The following LCMT2 variants were observed in gnomAD, a reference collection of about 807,000 sequenced individuals.
The protein encoded by LCMT2 is tRNA wybutosine-synthesizing protein 4.
In LCMT2, 34 loss-of-function variants were observed where a neutral mutation model predicts 42.0. That is an observed-to-expected ratio of 0.81 (90% CI 0.62 to 1.08). The LOEUF (loss-of-function observed/expected upper bound fraction) is 1.08. LCMT2 is among the 50% of genes least tolerant of loss of function. The pLI, the probability that LCMT2 is intolerant of heterozygous loss-of-function variation, is 0.00. For missense variants in LCMT2, 1,091 were observed against 889.4 expected, an observed-to-expected ratio of 1.23 and a Z score of -2.88; for synonymous variants, 445 against 369.5, an observed-to-expected ratio of 1.20 and a Z score of -2.34.
chr15:43,328,318 G>GA lies in LCMT2; in HGVS notation c.*110dup. On this transcript the variant is annotated 3_prime_UTR_variant, in exon 1 of 1. Transcript: ENST00000305641. ...CTTTTTGCACTGAATAGTGCTAAGG[G>GA]AAAAAAAGGATGGGGAAAGGAGGAG... is the stretch of plus-strand genomic sequence containing the variant. 1 of 1,225,038 alleles carries GA rather than the reference G, an allele frequency of 8.2e-7. No individual in the cohort carries two copies. Among genetic ancestry groups the GA allele is most frequent in the Non-Finnish European group, 1.1e-6 (1 of 873,732 alleles). 75.9% of individuals were successfully genotyped at this position (1,225,038 alleles called of 1,614,324 possible).
chr15:43,328,285 C>A lies in LCMT2; in HGVS notation c.*144G>T, dbSNP rs1596472154. 1 of 880,998 alleles carries A rather than the reference C, an allele frequency of 1.1e-6. No homozygotes were observed. The highest frequency in any genetic ancestry group is 2.5e-5 in the East Asian group (1 of 39,266). 54.6% of individuals were successfully genotyped at this position (880,998 alleles called of 1,614,324 possible). A position where few individuals can be genotyped will look rare whatever the true frequency, so the allele number is the denominator to read the frequency against. The stretch of plus-strand genomic sequence containing the variant: ...TAGGTATTTTACCTATTTTACCAAC[C>A]TTTTTCACTTTTTGCACTGAATAGT... On this transcript the variant is annotated 3_prime_UTR_variant, in exon 1 of 1. Coordinates refer to ENST00000305641, the MANE Select transcript of LCMT2 (RefSeq NM_014793.5).
chr15:43,329,969 GCGCCCAGGGCCTC>G lies in LCMT2; in HGVS notation c.508_520del (p.Glu170ProfsTer18). On this transcript the variant is annotated frameshift_variant, in exon 1 of 1. Coordinates refer to ENST00000305641, the MANE Select transcript of LCMT2 (RefSeq NM_014793.5). LOFTEE classifies it high-confidence loss of function. ...GGGTGAGGCTGCGTCGAGCCCCGCGGCGCCCAGGGCCTCCTCCACTCGCTGGAGCTGCCGCAAG... is the reference window on the plus strand; with the variant it reads ...GGGTGAGGCTGCGTCGAGCCCCGCGGCTCCACTCGCTGGAGCTGCCGCAAG... 1 of 1,612,450 alleles carries G rather than the reference GCGCCCAGGGCCTC, an allele frequency of 6.2e-7. No homozygotes were observed. The highest frequency in any genetic ancestry group is 8.5e-7 in the Non-Finnish European group (1 of 1,179,816).
At position 43,328,727 on chromosome 15, in the gene LCMT2, G is replaced by A. The variant is rs1309052895; in HGVS notation, c.1763C>T (p.Ser588Phe). Reference protein sequence around the residue: ...DIQPPITPRYSHTAHVLNGKL... With the variant: ...DIQPPITPRYFHTAHVLNGKL... ...TCCATTGAGCACATGAGCTGTGTGG[G>A]AGTACCTTGGGGTAATGGGAGGCTG... Residue 588 changes from serine (S) to phenylalanine (F), a missense_variant, in exon 1 of 1, where the codon TCC becomes TTC. Physicochemically the swap from Ser to Phe is radical, Grantham distance 155. Transcript: ENST00000305641. 1.2e-6 allele frequency: 2 copies of A among 1,613,950 alleles called. No homozygotes were observed. Among genetic ancestry groups the A allele is most frequent in the African/African-American group, 1.3e-5 (1 of 74,922 alleles).
In LCMT2 at chr15:43,328,856, C is replaced by T. The variant is rs2043137145; in HGVS notation, c.1634G>A (p.Gly545Glu). ...HSHSACTWQG[G>E]ALIAGGLGAS... The stretch of plus-strand genomic sequence containing the variant: ...CCCGAGACCTCCAGCAATAAGGGCT[C>T]CCCCTTGCCAAGTGCAGGCACTGTG... Residue 545 changes from glycine to glutamate, a missense_variant, in exon 1 of 1, where the codon GGA becomes GAA. Gly to Glu is a moderately conservative substitution (Grantham distance 98). Coordinates refer to ENST00000305641, the MANE Select transcript of LCMT2 (RefSeq NM_014793.5). 1.2e-6 allele frequency: 2 copies of T among 1,613,766 alleles called. No homozygotes were observed. Among genetic ancestry groups the T allele is most frequent in the Non-Finnish European group, 1.7e-6 (2 of 1,180,010 alleles).
In LCMT2 at chr15:43,330,062, TCC is replaced by T. The variant is rs1277104000; in HGVS notation, c.426_427del (p.Glu143AlafsTer8). The T allele has an allele frequency of 5.0e-6, 8 of 1,611,530 alleles. No homozygotes were observed. Among genetic ancestry groups the T allele is most frequent in the African/African-American group, 1.3e-5 (1 of 74,734 alleles). On this transcript the variant is annotated frameshift_variant, in exon 1 of 1. Transcript: ENST00000305641. LOFTEE classifies it high-confidence loss of function. The stretch of plus-strand genomic sequence containing the variant: ...CTCAAAGCACAGCGCGGACGCGGGC[TCC>T]CCCCTCTCGAAAGGCCCGGTTAACG...
chr15:43,328,163 CAATA>C lies in LCMT2; in HGVS notation c.*262_*265del. The C allele has an allele frequency of 2.5e-6, 1 of 408,074 alleles. No homozygotes were observed. 25.3% of individuals were successfully genotyped at this position (408,074 alleles called of 1,614,324 possible). A position where few individuals can be genotyped will look rare whatever the true frequency, so the allele number is the denominator to read the frequency against. ...TACTTTACTAAAGACCACTGTAACT[CAATA>C]AACGAACTTAGATTAGAAAATTAGA... On this transcript the variant is annotated 3_prime_UTR_variant, in exon 1 of 1. Transcript: ENST00000305641.
Position 43,329,436 on chromosome 15 carries a change from C to A in LCMT2, c.1054G>T (p.Val352Phe), listed in dbSNP as rs113163259. The change falls in exon 1 of 1, where the codon GTC (valine) becomes TTC (phenylalanine). Residue 352 changes from valine to phenylalanine, a missense_variant. Physicochemically the swap from Val to Phe is conservative, Grantham distance 50. Transcript: ENST00000305641. The stretch of plus-strand genomic sequence containing the variant: ...TGGCCATATCTCTTCAGGTTTGGGA[C>A]CTGGCCCTCGCTACTGACTACGCTG... ...PASVVSSEGQ[V>F]PNLKRYGHAS... The A allele has an allele frequency of 6.2e-7, 1 of 1,614,150 alleles. No homozygotes were observed. Among genetic ancestry groups the A allele is most frequent in the African/African-American group, 1.3e-5 (1 of 75,060 alleles).
chr15:43,329,947 T>TG lies in LCMT2; in HGVS notation c.542dup (p.Pro182ThrfsTer31). The TG allele has an allele frequency of 4.3e-6, 7 of 1,612,478 alleles. No individual in the cohort carries two copies. Among genetic ancestry groups the TG allele is most frequent in the Non-Finnish European group, 5.1e-6 (6 of 1,179,780 alleles). ...CCGCCTCGGCCAGGAGCAGAGTGGG[T>TG]GAGGCTGCGTCGAGCCCCGCGGCGC... On this transcript the variant is annotated frameshift_variant, in exon 1 of 1. Coordinates refer to ENST00000305641, the MANE Select transcript of LCMT2 (RefSeq NM_014793.5). LOFTEE classifies it high-confidence loss of function.
Position 43,327,755 on chromosome 15 carries a change from T to C in LCMT2, c.*674A>G, listed in dbSNP as rs2043125442. On this transcript the variant is annotated 3_prime_UTR_variant, in exon 1 of 1. Transcript: ENST00000305641. The stretch of plus-strand genomic sequence containing the variant: ...AGAGTATATCTGGAACAAAACATTA[T>C]TATACCCCGTGCAAAATGAATTGAG... 1 of 152,740 alleles carries C rather than the reference T, an allele frequency of 6.5e-6. No homozygotes were observed. The highest frequency in any genetic ancestry group is 2.4e-5 in the African/African-American group (1 of 41,450). 9.5% of individuals were successfully genotyped at this position (152,740 alleles called of 1,614,324 possible).
rs1426163094 is a variant in LCMT2 at position 43,329,489 on chromosome 15, G to C, written c.1001C>G (p.Pro334Arg). ...PSSEAFPRVN[P>R]ASPSGVFPAS... ...AGGGAATACCCCTGAAGGCGAAGCAGGATTTACGCGAGGAAATGCCTCTGA... is the reference window on the plus strand; with the variant it reads ...AGGGAATACCCCTGAAGGCGAAGCACGATTTACGCGAGGAAATGCCTCTGA... The change falls in exon 1 of 1, where the codon CCT (proline) becomes CGT (arginine). Residue 334 changes from proline to arginine, a missense_variant. Physicochemically the swap from Pro to Arg is moderately radical, Grantham distance 103. Transcript: ENST00000305641. 8.1e-6 allele frequency: 13 copies of C among 1,614,204 alleles called. No homozygotes were observed. The highest frequency in any genetic ancestry group is 1.3e-5 in the African/African-American group (1 of 75,068).
In LCMT2 at chr15:43,329,305, A is replaced by G. The variant is rs2043146437; in HGVS notation, c.1185T>C (p.Asp395=). 1.9e-6 allele frequency: 3 copies of G among 1,613,884 alleles called. No homozygotes were observed. Among genetic ancestry groups the G allele is most frequent in the African/African-American group, 2.7e-5 (2 of 74,898 alleles). ...GGCTGCCTTTCCATTCAGAGTCACA[A>G]TCTCTTGAGAGCAAGTGAAACTGGC... ...RVSQFHLLSR[D]CDSEWKGSQI... The change falls in exon 1 of 1, where the codon GAT becomes GAC. Residue 395 remains aspartate, a synonymous_variant. Coordinates refer to ENST00000305641, the MANE Select transcript of LCMT2 (RefSeq NM_014793.5).
chr15:43,325,397 A>G lies in LCMT2; in HGVS notation c.*3032T>C, dbSNP rs1024787287. The G allele has an allele frequency of 1.3e-5, 2 of 152,226 alleles. No homozygotes were observed. The highest frequency in any genetic ancestry group is 2.4e-5 in the African/African-American group (1 of 41,450). 9.4% of individuals were successfully genotyped at this position (152,226 alleles called of 1,614,324 possible). ...TTACTGTTAATGAAACTGTGGTTCAACGCTAGTCTATATTGAATGCTGCTC... is the reference window on the plus strand; with the variant it reads ...TTACTGTTAATGAAACTGTGGTTCAGCGCTAGTCTATATTGAATGCTGCTC... On this transcript the variant is annotated 3_prime_UTR_variant, in exon 1 of 1. Transcript: ENST00000305641.
chr15:43,327,533 G>A lies in LCMT2; in HGVS notation c.*896C>T, dbSNP rs1349001072. On this transcript the variant is annotated 3_prime_UTR_variant, in exon 1 of 1. Transcript: ENST00000305641. ...ACGGCAGGAGCTGTAGCCTTTGACA[G>A]AAGAATGCTGCCACTGCCAACTTGC... The A allele has an allele frequency of 1.3e-5, 2 of 152,206 alleles. No individual in the cohort carries two copies. Among genetic ancestry groups the A allele is most frequent in the Admixed American group, 6.5e-5 (1 of 15,284 alleles). 9.4% of individuals were successfully genotyped at this position (152,206 alleles called of 1,614,324 possible). A position where few individuals can be genotyped will look rare whatever the true frequency, so the allele number is the denominator to read the frequency against.
chr15:43,329,447 C>G lies in LCMT2; in HGVS notation c.1043G>C (p.Ser348Thr). 1 of 1,614,174 alleles carries G rather than the reference C, an allele frequency of 6.2e-7. No individual in the cohort carries two copies. ...SGVFPASVVS[S>T]EGQVPNLKRY... is the part of the protein sequence containing the mutation. ...CTTCAGGTTTGGGACCTGGCCCTCG[C>G]TACTGACTACGCTGGCAGGGAATAC... Residue 348 changes from serine to threonine, a missense_variant, in exon 1 of 1, where the codon AGC becomes ACC. By Grantham distance (58) the Ser-to-Thr change is moderately conservative. Coordinates refer to ENST00000305641, the MANE Select transcript of LCMT2 (RefSeq NM_014793.5).
At position 43,323,858 on chromosome 15, in the gene LCMT2, T is replaced by A. The variant is rs1202735871; in HGVS notation, c.*4571A>T. 1 of 152,196 alleles carries A rather than the reference T, an allele frequency of 6.6e-6. No homozygotes were observed. The highest frequency in any genetic ancestry group is 1.9e-4 in the East Asian group (1 of 5,200). 9.4% of individuals were successfully genotyped at this position (152,196 alleles called of 1,614,324 possible). A position where few individuals can be genotyped will look rare whatever the true frequency, so the allele number is the denominator to read the frequency against. ...ATCAGTTTGTGCATAAGAACTATAG[T>A]AATATTCAAATATAATTTATTTGAG... On this transcript the variant is annotated 3_prime_UTR_variant, in exon 1 of 1. Transcript: ENST00000305641.
Position 43,329,149 on chromosome 15 carries a change from G to A in LCMT2, c.1341C>T (p.Leu447=), listed in dbSNP as rs1176563700. The part of the protein sequence containing the change: ...LSPVSPALGV[L]QLHFFKSEDN... The stretch of plus-strand genomic sequence containing the variant: ...CCTCACTCTTAAAAAAATGAAGCTG[G>A]AGAACCCCCAAGGCTGGACTTACTG... The change falls in exon 1 of 1, where the codon CTC becomes CTT. Residue 447 remains leucine, a synonymous_variant. Transcript: ENST00000305641. 2 of 1,613,784 alleles carry A rather than the reference G, an allele frequency of 1.2e-6. No individual in the cohort carries two copies. The highest frequency in any genetic ancestry group is 1.7e-6 in the Non-Finnish European group (2 of 1,180,022).
chr15:43,325,292 A>G lies in LCMT2; in HGVS notation c.*3137T>C, dbSNP rs1390266189. The G allele has an allele frequency of 1.3e-5, 2 of 152,216 alleles. No individual in the cohort carries two copies. Among genetic ancestry groups the G allele is most frequent in the Non-Finnish European group, 2.9e-5 (2 of 68,030 alleles). The allele number at this position is 152,216 out of a possible 1,614,324, so 9.4% of individuals were successfully genotyped here. A position where few individuals can be genotyped will look rare whatever the true frequency, so the allele number is the denominator to read the frequency against. ...TCCGTATCAGAATTTTAGAACAAAA[A>G]CTTCAAAAGTGAAATGGAGAAGCAA... On this transcript the variant is annotated 3_prime_UTR_variant, in exon 1 of 1. Coordinates refer to ENST00000305641, the MANE Select transcript of LCMT2 (RefSeq NM_014793.5).
rs2038282616 is a variant in LCMT2 at position 43,326,586 on chromosome 15, C to T, written c.*1843G>A. 6.6e-6 allele frequency: 1 copy of T among 152,152 alleles called. No homozygotes were observed. Among genetic ancestry groups the T allele is most frequent in the African/African-American group, 2.4e-5 (1 of 41,404 alleles). The allele number at this position is 152,152 out of a possible 1,614,324, so 9.4% of individuals were successfully genotyped here. ...CTACAAGCACACACCACCGTGCCTA[C>T]TTATTTTTTTGTAGAGATGGGGATC... is the stretch of plus-strand genomic sequence containing the variant. On this transcript the variant is annotated 3_prime_UTR_variant, in exon 1 of 1. Coordinates refer to ENST00000305641, the MANE Select transcript of LCMT2 (RefSeq NM_014793.5).
At position 43,326,050 on chromosome 15, in the gene LCMT2, T is replaced by TTTTTTC; in HGVS notation, c.*2378_*2379insGAAAAA. On this transcript the variant is annotated 3_prime_UTR_variant, in exon 1 of 1. Coordinates refer to ENST00000305641, the MANE Select transcript of LCMT2 (RefSeq NM_014793.5). ...AGATGGATAATTTTTTTTTTTTTTT[T>TTTTTTC]TTTTTTTTTTTTTTTTTGGGTAGAG... 7.2e-6 allele frequency: 1 copy of TTTTTTC among 139,772 alleles called. No individual in the cohort carries two copies. The highest frequency in any genetic ancestry group is 2.6e-5 in the African/African-American group (1 of 38,216). The allele number at this position is 139,772 out of a possible 1,614,324, so 8.7% of individuals were successfully genotyped here.
Sources: allele counts gnomAD v4.1 joint callset, GRCh38; gene constraint gnomAD v4.1.1; transcripts MANE v1.5; gene names NCBI Gene and HGNC (gene_info 2026-07-23, HGNC 2026-07-21).